Variants in MACROD2 observed in about 807,000 individuals in gnomAD.
MACROD2 encodes mono-ADP ribosylhydrolase 2, also known as ADP-ribose glycohydrolase MACROD2.
A neutral mutation model predicts 70.4 loss-of-function variants in MACROD2; 36 were observed. The ratio of observed to expected loss-of-function variants is 0.51; its 90% CI spans 0.39 to 0.68. The LOEUF (loss-of-function observed/expected upper bound fraction) is 0.68, where lower values mean the gene tolerates loss of function less well. Ranked by LOEUF, MACROD2 falls within the 30% of genes least tolerant of loss-of-function variation. The pLI, the probability that MACROD2 is intolerant of heterozygous loss-of-function variation, is 0.00. For synonymous variants in MACROD2, 172 were observed against 178.8 expected (o/e 0.96, Z 0.30); for missense variants, 496 against 538.4 (o/e 0.92, Z 0.78).
chr20:15,554,632 A>G (rs2048142229), intron 8 of MACROD2, among the ~76,000 whole-genome samples: 1 of 151,296 alleles, frequency 6.6e-6, no homozygotes, highest in African/African-American at 2.4e-5. Context: ...GCTTAGGACT[A>G]TTGTTTGTTG....
rs746382128 is a variant in MACROD2, at chr20:15,141,987, G to A, written c.419-87953G>A. On this transcript the variant is annotated intron_variant, in intron 5 of 17. Coordinates refer to ENST00000684519, the MANE Select transcript of MACROD2 (RefSeq NM_001351661.2). ...TTCTTTAAGGTTCACCTGAAATGCA[G>A]CGTTCTACCAAGCATTGGCCAGTTC... Among the ~76,000 whole-genome samples, 109 of 152,266 alleles carry A rather than the reference G, an allele frequency of 7.2e-4. 1 individual carries two copies. The Middle Eastern group carries it at 0.017, about 24-fold the overall frequency.
chr20:14,061,830 TAC>T (rs2053694201), intron 2 of MACROD2, among the ~76,000 whole-genome samples: 1 of 152,146 alleles, frequency 6.6e-6, no homozygotes, highest in African/African-American at 2.4e-5. Context: ...GTGCATAGTT[TAC>T]AAAAGTCTGT....
chr20:15,873,219 A>G (rs549396491), intron 9 of MACROD2, among the ~76,000 whole-genome samples: 34 of 152,326 alleles, frequency 2.2e-4, no homozygotes, highest in African/African-American at 7.9e-4. Context: ...GTCATGTACT[A>G]TACAACTTAC....
At chr20:15,243,137 G>A (rs2077074598) in intron 6 of MACROD2, among the ~76,000 whole-genome samples, 1 of 152,152 alleles carries the variant, frequency 6.6e-6, no homozygotes, top group Non-Finnish European at 1.5e-5. Flanking sequence ...TCTCAGTCAA[G>A]GGTAATTTCT....
chr20:14,932,541 G>A (rs896669223), intron 5 of MACROD2, among the ~76,000 whole-genome samples: 2 of 152,020 alleles, frequency 1.3e-5, no homozygotes, highest in Non-Finnish European at 2.9e-5. Flanking sequence ...TGATCCTGAA[G>A]GAACATTTAA....
At chr20:14,649,874 G>A (rs1222884300) in intron 4 of MACROD2, among the ~76,000 whole-genome samples, 1 of 152,046 alleles carries the variant, frequency 6.6e-6, no homozygotes, top group Non-Finnish European at 1.5e-5. Flanking sequence ...AGGCTGGGTG[G>A]GGCTGAGCCT....
chr20:15,608,775 A>C (rs1314465880), intron 8 of MACROD2, among the ~76,000 whole-genome samples: 1 of 152,120 alleles, frequency 6.6e-6, no homozygotes, highest in Non-Finnish European at 1.5e-5. Flanking sequence ...AGTCCTGTTT[A>C]ACTTTAGATA....
chr20:15,079,839 G>A (rs577184675), intron 5 of MACROD2, among the ~76,000 whole-genome samples: 2 of 152,088 alleles, frequency 1.3e-5, no homozygotes, highest in South Asian at 4.1e-4. Flanking sequence ...CCTCAGTTAA[G>A]CCAGTCCCTC....
At chr20:14,245,611 C>T (rs1040583518) in intron 3 of MACROD2, among the ~76,000 whole-genome samples, 9 of 152,202 alleles carry the variant, frequency 5.9e-5, no homozygotes, top group Admixed American at 5.9e-4. Context: ...AAATATACAA[C>T]TTTAACATTT....
At chr20:14,427,054 T>C (rs1200177427) in intron 3 of MACROD2, among the ~76,000 whole-genome samples, 1 of 152,136 alleles carries the variant, frequency 6.6e-6, no homozygotes, top group East Asian at 1.9e-4. Context: ...CTTTTAGAAT[T>C]TAGCAGTATA....
At chr20:14,763,129 A>G (rs1357743848) in intron 5 of MACROD2, among the ~76,000 whole-genome samples, 1 of 152,128 alleles carries the variant, frequency 6.6e-6, no homozygotes, top group African/African-American at 2.4e-5. Flanking sequence ...ATGAAAATGC[A>G]GAGAAAAGGA....
intron 15 of MACROD2, among the ~76,000 whole-genome samples, chr20:15,998,238 G>A (rs1038344587): frequency 2.6e-5 from 4 of 152,194 alleles, no homozygotes; most frequent in African/African-American, 9.6e-5. Context: ...GTTTGGAAGA[G>A]TTTAGGTAAA....
chr20:15,715,700 C>G (rs1365873593), intron 8 of MACROD2, among the ~76,000 whole-genome samples: 3 of 152,152 alleles, frequency 2.0e-5, no homozygotes, highest in Non-Finnish European at 2.9e-5. Flanking sequence ...TAGGGACACT[C>G]TGCTAATTTT....
chr20:15,033,118 G>A (rs2075287932), intron 5 of MACROD2, among the ~76,000 whole-genome samples: 1 of 152,128 alleles, frequency 6.6e-6, no homozygotes, highest in East Asian at 1.9e-4. Context: ...TTTCAGTACG[G>A]GGGATGAAAA....
rs578014406 is a variant in MACROD2, at chr20:15,056,633, T to TA, written c.419-173296dup. Among the ~76,000 whole-genome samples the TA allele has an allele frequency of 7.1e-3, 1,055 of 149,392 alleles. 8 individuals carry two copies. Among genetic ancestry groups the TA allele is most frequent in the Non-Finnish European group, 9.1e-3 (611 of 66,990 alleles). ...TCCCAATTGTGTAAATTTAGCTGTT[T>TA]AAAAAAAAAAAGTTTGGAATCAATC... On this transcript the variant is annotated intron_variant, in intron 5 of 17. Transcript: ENST00000684519.
intron 3 of MACROD2, among the ~76,000 whole-genome samples, chr20:14,364,657 T>A (rs1324194634): frequency 6.6e-6 from 1 of 152,176 alleles, no homozygotes; most frequent in East Asian, 1.9e-4. Context: ...CTGTTTTCTG[T>A]TTCTAAGAAT....
intron 8 of MACROD2, among the ~76,000 whole-genome samples, chr20:15,806,474 C>A (rs2063770694): frequency 6.6e-6 from 1 of 152,148 alleles, no homozygotes; most frequent in Non-Finnish European, 1.5e-5. Flanking sequence ...CTGACTTTTA[C>A]AGCTGCCCAG....
intron 5 of MACROD2, among the ~76,000 whole-genome samples, chr20:15,040,170 CCA>C (rs1187116475): frequency 2.6e-5 from 4 of 152,026 alleles, no homozygotes; most frequent in Non-Finnish European, 5.9e-5. Context: ...AAAAAATTAG[CCA>C]GGTGTGGTGG....
At chr20:14,357,571 A>T (rs1469137958) in intron 3 of MACROD2, among the ~76,000 whole-genome samples, 2 of 152,204 alleles carry the variant, frequency 1.3e-5, no homozygotes, top group Middle Eastern at 3.2e-3. Context: ...AAAGAAAAAA[A>T]AGATTCTACT....
Sources: gnomAD v4.1 joint callset for allele counts (sites outside exome capture counted in the v4.1 genomes callset) on GRCh38, gnomAD v4.1.1 for gene constraint, MANE v1.5 for transcripts, NCBI Gene and HGNC (gene_info 2026-07-23, HGNC 2026-07-21) for gene names.